The following PREP variants were observed in gnomAD, a reference collection of about 807,000 sequenced individuals.
PREP encodes the protein prolyl endopeptidase, also known as dJ355L5.1 (prolyl endopeptidase).
In PREP, 29 loss-of-function variants were observed where a neutral mutation model predicts 87.6. The observed-to-expected ratio is 0.33, with a 90% CI of 0.25 to 0.45. The LOEUF (loss-of-function observed/expected upper bound fraction) is 0.45. Ranked by LOEUF, PREP falls within the 20% of genes least tolerant of loss-of-function variation. The pLI is 1.00. For missense variants in PREP, 695 were observed against 886.5 expected (o/e 0.78, Z 2.74); for synonymous variants, 337 against 328.6 (o/e 1.03, Z -0.28).
intron 8 of PREP, among the ~76,000 whole-genome samples, chr6:105,329,419 G>A (rs34544464): frequency 2.5e-3 from 387 of 152,268 alleles, no homozygotes; most frequent in African/African-American, 9.1e-3. Context: ...TCCCAAAACT[G>A]TTAAGATTAC....
rs1772462333 is a variant in PREP at position 105,368,847 on chromosome 6, T to C, written c.717+56A>G. 8.8e-6 allele frequency: 14 copies of C among 1,597,488 alleles called. No individual in the cohort carries two copies. In the South Asian group the frequency reaches 1.4e-4, roughly 16 times the overall value. ...GGTCACCACATAATAAGAATATTTA[T>C]ACACACATCCATGAAACACAGTCTT... On this transcript the variant is annotated intron_variant, in intron 6 of 14. Coordinates refer to ENST00000652536, the MANE Select transcript of PREP (RefSeq NM_002726.5).
At position 105,277,624 on chromosome 6, in the gene PREP, T is replaced by TAA. The variant is rs1278287478; in HGVS notation, c.*518_*519dup. ...TTCTATGACTTAACTGCTTGAAAAC[T>TAA]AACTTGTTGCAGAAAGGTGAAATGC... is the stretch of plus-strand genomic sequence containing the variant. On this transcript the variant is annotated 3_prime_UTR_variant, in exon 15 of 15. Coordinates refer to ENST00000652536, the MANE Select transcript of PREP (RefSeq NM_002726.5). 6.4e-6 allele frequency: 1 copy of TAA among 155,406 alleles called. No homozygotes were observed. The highest frequency in any genetic ancestry group is 2.4e-5 in the African/African-American group (1 of 41,462). The allele number at this position is 155,406 out of a possible 1,614,324, so 9.6% of individuals were successfully genotyped here.
At chr6:105,373,671 G>A (rs775703900) in intron 4 of PREP, 93 bp from the exon 5 acceptor site, 58 of 1,240,384 alleles carry the variant, frequency 4.7e-5, no homozygotes, top group Admixed American at 6.1e-5. Context: ...TTCATAACAC[G>A]GAGGTAGAAT....
In PREP at chr6:105,373,399, A is replaced by G; in HGVS notation, c.565T>C (p.Ser189Pro). 8.1e-6 allele frequency: 13 copies of G among 1,614,188 alleles called. No individual in the cohort carries two copies. The highest frequency in any genetic ancestry group is 1.1e-5 in the Non-Finnish European group (13 of 1,180,016). ...CTTTTTCCATCCTGTTGAGGGTATG[A>G]GTTGTAGAACATTCCCTTCCCATCA... is the stretch of plus-strand genomic sequence containing the variant. ...THDGKGMFYN[S>P]YPQQDGKSDG... is the part of the protein sequence containing the mutation. The change falls in exon 5 of 15, where the codon TCA (serine) becomes CCA (proline). Residue 189 changes from serine to proline, a missense_variant. Physicochemically the swap from Ser to Pro is moderately conservative, Grantham distance 74. Transcript: ENST00000652536.
chr6:105,322,400 T>C (rs1771034568), intron 10 of PREP: 1 of 963,340 alleles, frequency 1.0e-6, no homozygotes, highest in Non-Finnish European at 1.2e-6. Flanking sequence ...AATCTCTACT[T>C]TACAGTTGAA....
chr6:105,280,253 G>T (rs1770051703), intron 14 of PREP, among the ~76,000 whole-genome samples: 1 of 152,204 alleles, frequency 6.6e-6, no homozygotes, highest in Admixed American at 6.5e-5. Context: ...AGTGAGCCGA[G>T]ATGGCGCCAT....
chr6:105,331,234 A>T (rs548012114), intron 8 of PREP, among the ~76,000 whole-genome samples: 1 of 152,320 alleles, frequency 6.6e-6, no homozygotes. Flanking sequence ...GATGAGTTCT[A>T]GTGAACACTG....
At chr6:105,295,157 CTTTTT>C (rs10586996) in intron 10 of PREP, among the ~76,000 whole-genome samples, 3 of 132,588 alleles carry the variant, frequency 2.3e-5, no homozygotes, top group Non-Finnish European at 3.3e-5. Context: ...CAATGTTTTC[CTTTTT>C]TTTTTTTTTT....
At chr6:105,351,093 C>T (rs1771939769) in intron 7 of PREP, among the ~76,000 whole-genome samples, 1 of 152,204 alleles carries the variant, frequency 6.6e-6, no homozygotes, top group Admixed American at 6.5e-5. Context: ...TTTTTGCTAT[C>T]AACTTGGCTA....
At chr6:105,302,947 C>T (rs1770575940) in intron 10 of PREP, 1 of 204,590 alleles carries the variant, frequency 4.9e-6, no homozygotes, top group African/African-American at 2.4e-5. Context: ...CTCTCCCACA[C>T]CATCTTATCC....
chr6:105,346,484 G>A (rs745660825), intron 7 of PREP, among the ~76,000 whole-genome samples: 43 of 152,302 alleles, frequency 2.8e-4, no homozygotes, highest in Admixed American at 5.2e-4. Context: ...AAATATGGTA[G>A]GTACTGAATA....
At chr6:105,392,164 C>G (rs547836252) in intron 2 of PREP, among the ~76,000 whole-genome samples, 23 of 151,640 alleles carry the variant, frequency 1.5e-4, no homozygotes, top group African/African-American at 5.3e-4. Context: ...CCTGCCTCAG[C>G]CTTCCCTGGG....
At chr6:105,390,655 G>A (rs1397166495) in intron 2 of PREP, among the ~76,000 whole-genome samples, 1 of 152,096 alleles carries the variant, frequency 6.6e-6, no homozygotes, top group African/African-American at 2.4e-5. Flanking sequence ...CAGCTAAAAG[G>A]GTGAAGACAC....
intron 8 of PREP, among the ~76,000 whole-genome samples, chr6:105,330,461 A>G (rs1483894098): frequency 1.3e-5 from 2 of 152,218 alleles, no homozygotes; most frequent in Non-Finnish European, 2.9e-5. Flanking sequence ...CAGGGCTGCA[A>G]CTTTCAGTGA....
chr6:105,393,393 G>A (rs1015376801), intron 2 of PREP, among the ~76,000 whole-genome samples: 3 of 152,148 alleles, frequency 2.0e-5, no homozygotes, highest in East Asian at 1.9e-4. Context: ...AAACAGGGGC[G>A]GGGCAGGGGG....
intron 7 of PREP, among the ~76,000 whole-genome samples, chr6:105,342,090 ATTT>A (rs749704130): frequency 3.9e-5 from 6 of 152,220 alleles, no homozygotes; most frequent in Non-Finnish European, 5.9e-5. Context: ...AAAAAAGAGA[ATTT>A]TAGACCAATA....
intron 2 of PREP, among the ~76,000 whole-genome samples, chr6:105,386,224 C>T (rs569676219): frequency 2.6e-5 from 4 of 152,300 alleles, no homozygotes; most frequent in South Asian, 2.1e-4. Context: ...AACAACTATA[C>T]GCACTGCCTT....
At chr6:105,346,517 A>G (rs773313291) in intron 7 of PREP, among the ~76,000 whole-genome samples, 37 of 152,246 alleles carry the variant, frequency 2.4e-4, no homozygotes, top group Non-Finnish European at 4.6e-4. Flanking sequence ...AAAACAATCA[A>G]ACTTTTAGCA....
chr6:105,281,989 TTCCAGAGCCCTGGTTGCATTTA>T (rs1231872758), intron 13 of PREP, 87 bp from the exon 14 acceptor site: 14 of 1,458,072 alleles, frequency 9.6e-6, no homozygotes, highest in Middle Eastern at 1.8e-4. Flanking sequence ...ACTTACATGC[TTCCAGAGCCCTGGTTGCATTTA>T]TCCAGAGCAC....
Sources: allele counts gnomAD v4.1 joint callset (sites outside exome capture counted in the v4.1 genomes callset), GRCh38; gene constraint gnomAD v4.1.1; transcripts MANE v1.5; gene names NCBI Gene and HGNC (gene_info 2026-07-23, HGNC 2026-07-21).